Variants in DCAF6 observed in about 807,000 individuals in gnomAD.
DCAF6 encodes DDB1- and CUL4-associated factor 6.
Under a neutral mutation model 125.1 loss-of-function variants are expected in DCAF6, and 54 were observed. The ratio of observed to expected loss-of-function variants is 0.43; its 90% CI spans 0.35 to 0.54. The LOEUF (loss-of-function observed/expected upper bound fraction) is 0.54, where lower values mean the gene tolerates loss of function less well. Among genes scored for constraint, DCAF6 ranks in the 20% least tolerant of loss-of-function variants. The pLI is 0.01. For synonymous variants in DCAF6, 371 were observed against 390.4 expected, an observed-to-expected ratio of 0.95 and a Z score of 0.58; for missense variants, 934 against 1,161.7, an observed-to-expected ratio of 0.80 and a Z score of 2.85.
At chr1:168,002,930 G>A (rs934986460) in intron 8 of DCAF6, among the ~76,000 whole-genome samples, 3 of 152,052 alleles carry the variant, frequency 2.0e-5, no homozygotes, top group African/African-American at 7.2e-5. Flanking sequence ...CTCAGCCCAA[G>A]GGTTTTATAT....
chr1:167,953,833 A>C (rs1469800145), intron 2 of DCAF6, among the ~76,000 whole-genome samples: 1 of 152,124 alleles, frequency 6.6e-6, no homozygotes, highest in African/African-American at 2.4e-5. Context: ...TCCTGGCCTC[A>C]GGTGATCTGC....
At chr1:167,864,244 G>C in the DCAF6 span, among the ~76,000 whole-genome samples, 1 of 152,098 alleles carries the variant, frequency 6.6e-6, no homozygotes, top group African/African-American at 2.4e-5. Flanking sequence ...GTTTTGTCTC[G>C]AAGAAACATG....
chr1:167,975,056 G>T (rs777715641), intron 4 of DCAF6, 41 bp downstream of exon 4: 1 of 1,337,564 alleles, frequency 7.5e-7, no homozygotes, highest in East Asian at 2.6e-5. Flanking sequence ...ATGTAAGTAT[G>T]TATATTTTTG....
At chr1:168,029,729 C>T (rs1341180109) in intron 12 of DCAF6, among the ~76,000 whole-genome samples, 2 of 152,090 alleles carry the variant, frequency 1.3e-5, no homozygotes, top group Non-Finnish European at 2.9e-5. Context: ...GCCTGTAATC[C>T]CAGTACTTTG....
At chr1:167,883,097 GTGCGATCTCGGCTCAC>G in the DCAF6 span, among the ~76,000 whole-genome samples, 1 of 152,254 alleles carries the variant, frequency 6.6e-6, no homozygotes, top group Non-Finnish European at 1.5e-5. Flanking sequence ...GAGCGCAGTG[GTGCGATCTCGGCTCAC>G]TGCAACCTCC....
intron 3 of DCAF6, among the ~76,000 whole-genome samples, chr1:167,970,042 G>T (rs1677059675): frequency 6.6e-6 from 1 of 152,308 alleles, no homozygotes; most frequent in South Asian, 2.1e-4. Context: ...CTCCCAAAGT[G>T]CTGGGGATTA....
chr1:168,017,936 A>G (rs1192768946), intron 11 of DCAF6, among the ~76,000 whole-genome samples: 5 of 152,152 alleles, frequency 3.3e-5, no homozygotes, highest in South Asian at 4.1e-4. Flanking sequence ...CTTCTCACCT[A>G]TTTAAGTGTT....
At position 168,030,690 on chromosome 1, in the gene DCAF6, G is replaced by T. The variant is rs112024454; in HGVS notation, c.1609+7643G>T. On this transcript the variant is annotated intron_variant, in intron 12 of 21. Transcript: ENST00000367840. ...TGAGGAGGAATCCAGAGTATAAGTT[G>T]CAGTAACAACTTCAGAATTTTCTTA... Among the ~76,000 whole-genome samples, 456 of 152,320 alleles carry T rather than the reference G, an allele frequency of 3.0e-3. 3 individuals are homozygous for T. Among genetic ancestry groups the T allele is most frequent in the Admixed American group, 5.2e-3 (80 of 15,304 alleles).
intron 7 of DCAF6, among the ~76,000 whole-genome samples, chr1:167,997,970 G>C (rs1423063310): frequency 2.0e-5 from 3 of 151,978 alleles, no homozygotes; most frequent in African/African-American, 4.8e-5. Context: ...ATACCCACTA[G>C]GATGACTAAA....
chr1:168,070,448 C>T (rs751988217), intron 21 of DCAF6, among the ~76,000 whole-genome samples: 7 of 152,116 alleles, frequency 4.6e-5, no homozygotes, highest in Admixed American at 2.6e-4. Context: ...AAGTACCTCT[C>T]GGCTCATCCA....
intron 18 of DCAF6, 107 bp downstream of exon 18, chr1:168,063,866 A>G (rs1691936336): frequency 6.5e-6 from 7 of 1,072,072 alleles, no homozygotes; most frequent in Non-Finnish European, 8.1e-6. Flanking sequence ...TCAGTATTAC[A>G]TTATTAAATC....
At chr1:167,992,724 TA>T (rs955913826) in intron 6 of DCAF6, among the ~76,000 whole-genome samples, 2 of 152,216 alleles carry the variant, frequency 1.3e-5, no homozygotes, top group African/African-American at 4.8e-5. Context: ...CAGAGTTAAT[TA>T]AAATTGGAAT....
chr1:168,027,560 A>G (rs1321788771), intron 12 of DCAF6, among the ~76,000 whole-genome samples: 1 of 152,132 alleles, frequency 6.6e-6, no homozygotes, highest in Non-Finnish European at 1.5e-5. Flanking sequence ...AAAAATTGAT[A>G]GTTCAGTTTT....
At chr1:168,035,255 G>C (rs1687646132) in intron 12 of DCAF6, among the ~76,000 whole-genome samples, 1 of 152,176 alleles carries the variant, frequency 6.6e-6, no homozygotes, top group Admixed American at 6.5e-5. Flanking sequence ...AGACCAGCCT[G>C]GGCAACATGG....
intron 4 of DCAF6, among the ~76,000 whole-genome samples, chr1:167,978,845 C>T (rs758860004): frequency 9.9e-5 from 15 of 151,950 alleles, no homozygotes; most frequent in Non-Finnish European, 1.8e-4. Flanking sequence ...TTTGTAGAGA[C>T]GGGGCCTTGC....
At chr1:167,868,515 A>G in the DCAF6 span, among the ~76,000 whole-genome samples, 63 of 152,302 alleles carry the variant, frequency 4.1e-4, no homozygotes, top group African/African-American at 1.5e-3. Context: ...GTAAATTTCC[A>G]AAGTTGCAGA....
At chr1:168,011,471 T>C (rs1684276982) in intron 10 of DCAF6, among the ~76,000 whole-genome samples, 1 of 152,208 alleles carries the variant, frequency 6.6e-6, no homozygotes, top group South Asian at 2.1e-4. Context: ...CTTGCTTATT[T>C]AGTCATAAAC....
chr1:167,975,973 G>A (rs1350947781), intron 4 of DCAF6, among the ~76,000 whole-genome samples: 4 of 151,926 alleles, frequency 2.6e-5, no homozygotes, highest in Non-Finnish European at 2.9e-5. Flanking sequence ...GTTCTTTTAT[G>A]TCCTCATGTT....
chr1:167,915,919 A>AATG, the DCAF6 span, among the ~76,000 whole-genome samples: 3 of 152,176 alleles, frequency 2.0e-5, no homozygotes, highest in Admixed American at 6.5e-5. Flanking sequence ...TCTCACAGTT[A>AATG]ATGTGTGGCA....
Sources: allele counts gnomAD v4.1 joint callset (sites outside exome capture counted in the v4.1 genomes callset), GRCh38; gene constraint gnomAD v4.1.1; transcripts MANE v1.5; gene names NCBI Gene and HGNC (gene_info 2026-07-23, HGNC 2026-07-21).